C10orf90: variants seen among roughly 807,000 people sequenced by gnomAD.
C10orf90 encodes chromosome 10 open reading frame 90, also known as (E2-independent) E3 ubiquitin-conjugating enzyme FATS.
C10orf90 carries 56 observed loss-of-function variants against 62.5 expected under a neutral mutation model. That is an observed-to-expected ratio of 0.90 (90% confidence interval 0.72 to 1.12). The LOEUF is 1.12. Ranked by LOEUF, C10orf90 falls within the 50% of genes most tolerant of loss-of-function variation. The pLI is 0.00. For synonymous variants in C10orf90, 386 were observed against 340.4 expected (o/e 1.13, Z -1.47); for missense variants, 970 against 880.4 (o/e 1.10, Z -1.29).
At chr10:126,552,688 A>AG (rs1564868637) in intron 2 of C10orf90, among the ~76,000 whole-genome samples, 2 of 152,270 alleles carry the variant, frequency 1.3e-5, no homozygotes, top group Non-Finnish European at 2.9e-5. Flanking sequence ...CCCAGGAGAA[A>AG]GGAAATGCTG....
At chr10:126,462,726 C>A (rs536438837) in intron 5 of C10orf90, among the ~76,000 whole-genome samples, 2 of 152,268 alleles carry the variant, frequency 1.3e-5, no homozygotes, top group East Asian at 3.9e-4. Context: ...TGGGATGCAT[C>A]TCCATGATTA....
At chr10:126,500,197 T>C (rs1481728584) in intron 4 of C10orf90, among the ~76,000 whole-genome samples, 1 of 152,218 alleles carries the variant, frequency 6.6e-6, no homozygotes, top group Non-Finnish European at 1.5e-5. Flanking sequence ...CTCCAGATGT[T>C]CATAAGCAGC....
At chr10:126,595,499 A>T (rs538589303) in intron 2 of C10orf90, among the ~76,000 whole-genome samples, 9 of 152,286 alleles carry the variant, frequency 5.9e-5, no homozygotes, top group Non-Finnish European at 1.3e-4. Flanking sequence ...GAAAAGGCAA[A>T]TTGCAAATAA....
At chr10:126,597,747 T>G (rs892391168) in intron 2 of C10orf90, among the ~76,000 whole-genome samples, 1 of 152,210 alleles carries the variant, frequency 6.6e-6, no homozygotes, top group Non-Finnish European at 1.5e-5. Flanking sequence ...GAGAAATTAT[T>G]CTACTCATCC....
At chr10:126,478,958 T>G (rs1861036776) in intron 4 of C10orf90, among the ~76,000 whole-genome samples, 1 of 152,190 alleles carries the variant, frequency 6.6e-6, no homozygotes, top group South Asian at 2.1e-4. Flanking sequence ...CCTTCCCTGC[T>G]GGAACAAGCA....
At chr10:126,574,792 G>T (rs1844576939) in intron 2 of C10orf90, among the ~76,000 whole-genome samples, 1 of 152,072 alleles carries the variant, frequency 6.6e-6, no homozygotes, top group Admixed American at 6.5e-5. Flanking sequence ...ATGTGAAAGG[G>T]TTATAAGGAA....
chr10:126,664,276 A>C (rs1022012462), intron 1 of C10orf90, among the ~76,000 whole-genome samples: 8 of 152,158 alleles, frequency 5.3e-5, no homozygotes, highest in Non-Finnish European at 1.2e-4. Context: ...AGACCTGCTT[A>C]CAAAGCAGCA....
At chr10:126,587,321 C>G (rs1319516035) in intron 2 of C10orf90, among the ~76,000 whole-genome samples, 4 of 152,216 alleles carry the variant, frequency 2.6e-5, no homozygotes, top group African/African-American at 9.6e-5. Flanking sequence ...CGAAACACCA[C>G]AAAGTGGTTG....
chr10:126,507,330 C>G (rs1862801895), intron 3 of C10orf90, among the ~76,000 whole-genome samples: 1 of 132,752 alleles, frequency 7.5e-6, no homozygotes, highest in Admixed American at 8.3e-5. Context: ...GCACTCCAGC[C>G]TGGGTGACAG....
rs1296117633 is a variant in C10orf90, at chr10:126,513,883, A to C, written c.370T>G (p.Ser124Ala). The change falls in exon 3 of 10, where the codon TCT becomes GCT. Residue 124 changes from serine to alanine, a missense_variant. By Grantham distance (99) the Ser-to-Ala change is moderately conservative. Coordinates refer to ENST00000488181, the MANE Select transcript of C10orf90 (RefSeq NM_001350921.2). Reference sequence around the variant, plus strand: ...TCAGATTTTGCCTCTGTGACATCAGACTGGAGATTTTTAAGGGCAATTTGA... The same window carrying C: ...TCAGATTTTGCCTCTGTGACATCAGCCTGGAGATTTTTAAGGGCAATTTGA... ...RDQIALKNLQ[S>A]DVTEAKSDFT... 2 of 1,613,218 alleles carry C rather than the reference A, an allele frequency of 1.2e-6. No homozygotes were observed. The highest frequency in any genetic ancestry group is 1.7e-6 in the Non-Finnish European group (2 of 1,179,458).
chr10:126,446,023 C>T (rs1037942329), intron 7 of C10orf90, among the ~76,000 whole-genome samples: 1 of 151,308 alleles, frequency 6.6e-6, no homozygotes, highest in African/African-American at 2.4e-5. Context: ...GGGAGGGGGT[C>T]AAGGGGTGAA....
intron 2 of C10orf90, among the ~76,000 whole-genome samples, chr10:126,607,507 G>C (rs1240622012): frequency 6.6e-6 from 1 of 152,096 alleles, no homozygotes; most frequent in Non-Finnish European, 1.5e-5. Flanking sequence ...CTGATAATAT[G>C]GGTTATCAAT....
chr10:126,440,225 C>T (rs921837121), intron 7 of C10orf90, among the ~76,000 whole-genome samples: 1 of 152,188 alleles, frequency 6.6e-6, no homozygotes, highest in Non-Finnish European at 1.5e-5. Context: ...GCAACCAGCC[C>T]TTTGGATTGC....
At chr10:126,594,611 T>C (rs1420142006) in intron 2 of C10orf90, among the ~76,000 whole-genome samples, 1 of 152,206 alleles carries the variant, frequency 6.6e-6, no homozygotes, top group East Asian at 1.9e-4. Context: ...AATTCAGGTA[T>C]GAATAAATGC....
intron 7 of C10orf90, among the ~76,000 whole-genome samples, chr10:126,430,767 C>T (rs913165802): frequency 6.6e-5 from 10 of 152,180 alleles, no homozygotes; most frequent in African/African-American, 9.7e-5. Flanking sequence ...GGGGCTCCTG[C>T]GATCCCCAGT....
chr10:126,605,570 C>T (rs2134047600), intron 2 of C10orf90, among the ~76,000 whole-genome samples: 1 of 152,308 alleles, frequency 6.6e-6, no homozygotes. Flanking sequence ...GTGTTGAATC[C>T]TCGCAGCTCC....
intron 2 of C10orf90, among the ~76,000 whole-genome samples, chr10:126,570,888 T>C (rs1844491579): frequency 6.6e-6 from 1 of 152,162 alleles, no homozygotes; most frequent in Admixed American, 6.5e-5. Flanking sequence ...GTGAAACTAT[T>C]TGAGTCATAA....
intron 8 of C10orf90, among the ~76,000 whole-genome samples, chr10:126,427,646 C>T (rs1159325048): frequency 6.6e-6 from 1 of 152,158 alleles, no homozygotes; most frequent in Admixed American, 6.5e-5. Context: ...GATGCTCCTC[C>T]TCCCGCCCCT....
At chr10:126,488,062 G>GA (rs1422832319) in intron 4 of C10orf90, among the ~76,000 whole-genome samples, 1 of 151,656 alleles carries the variant, frequency 6.6e-6, no homozygotes, top group Non-Finnish European at 1.5e-5. Flanking sequence ...AGTGGAATGA[G>GA]AAAAAAATTA....
Sources: gnomAD v4.1 joint callset for allele counts (sites outside exome capture counted in the v4.1 genomes callset) on GRCh38, gnomAD v4.1.1 for gene constraint, MANE v1.5 for transcripts, NCBI Gene and HGNC (gene_info 2026-07-23, HGNC 2026-07-21) for gene names.